LRRC4C: variants seen among roughly 807,000 people sequenced by gnomAD.
The protein encoded by LRRC4C is leucine rich repeat containing 4C.
In LRRC4C, 5 loss-of-function variants were observed where a neutral mutation model predicts 33.6. The observed-to-expected ratio is 0.15, with a 90% CI of 0.08 to 0.31. LRRC4C has a LOEUF of 0.31. LRRC4C is among the 10% of genes least tolerant of loss of function. The pLI is 1.00. For synonymous variants in LRRC4C, 329 were observed against 302.0 expected (o/e 1.09, Z -0.93); for missense variants, 560 against 796.7 (o/e 0.70, Z 3.58).
intron 4 of LRRC4C, among the ~76,000 whole-genome samples, chr11:40,297,564 G>A (rs1171519814): frequency 4.0e-5 from 6 of 151,656 alleles, no homozygotes; most frequent in Non-Finnish European, 5.9e-5. Context: ...AGGTCCTAAA[G>A]TCCTAAATAC....
At chr11:40,780,218 C>T (rs956076158) in intron 2 of LRRC4C, among the ~76,000 whole-genome samples, 2 of 151,878 alleles carry the variant, frequency 1.3e-5, no homozygotes, top group Non-Finnish European at 2.9e-5. Flanking sequence ...CTTTTTAATG[C>T]CCTGGTAAAT....
intron 1 of LRRC4C, among the ~76,000 whole-genome samples, chr11:41,424,175 A>G (rs1954962695): frequency 6.6e-6 from 1 of 152,086 alleles, no homozygotes; most frequent in African/African-American, 2.4e-5. Flanking sequence ...GATGAAGCAT[A>G]TAAACATGTA....
chr11:41,173,081 A>G (rs1297242752), intron 1 of LRRC4C, among the ~76,000 whole-genome samples: 1 of 152,130 alleles, frequency 6.6e-6, no homozygotes, highest in East Asian at 1.9e-4. Flanking sequence ...GGTTCCTACA[A>G]CTTCTGCAGG....
chr11:40,220,877 GT>G (rs5791363), intron 5 of LRRC4C, among the ~76,000 whole-genome samples: 104,045 of 141,554 alleles, frequency 0.74, 41,400 homozygotes, highest in East Asian at 0.94. Flanking sequence ...TGTGTTTTTG[GT>G]TTTTTTTTTT....
intron 1 of LRRC4C, among the ~76,000 whole-genome samples, chr11:41,008,936 T>A (rs1398203901): frequency 6.6e-6 from 1 of 152,140 alleles, no homozygotes; most frequent in African/African-American, 2.4e-5. Flanking sequence ...TTTTTAATGA[T>A]ATAAATTATG....
At chr11:41,443,089 A>ATTTTTTTTTTTTTTTTTTTTTTCTTTTCT in intron 1 of LRRC4C, among the ~76,000 whole-genome samples, 1 of 105,994 alleles carries the variant, frequency 9.4e-6, no homozygotes, top group Non-Finnish European at 1.8e-5. Flanking sequence ...TGTTTGCTTC[A>ATTTTTTTTTTTTTTTTTTTTTTCTTTTCT]TTTTTTTTTT....
intron 4 of LRRC4C, among the ~76,000 whole-genome samples, chr11:40,273,711 A>C (rs986167018): frequency 2.6e-5 from 4 of 152,292 alleles, no homozygotes; most frequent in Admixed American, 2.6e-4. Flanking sequence ...AAAAAATTGT[A>C]AACACAGTTC....
At chr11:40,525,242 C>T (rs1158059891) in intron 3 of LRRC4C, among the ~76,000 whole-genome samples, 2 of 151,992 alleles carry the variant, frequency 1.3e-5, no homozygotes, top group Non-Finnish European at 1.5e-5. Context: ...GTCAGGAGAT[C>T]GAGACCATCC....
At chr11:40,301,444 T>G (rs979049093) in intron 4 of LRRC4C, among the ~76,000 whole-genome samples, 5 of 152,172 alleles carry the variant, frequency 3.3e-5, no homozygotes, top group Non-Finnish European at 1.5e-5. Flanking sequence ...CACCAGGAAT[T>G]AGGAGATGGT....
At chr11:40,418,535 T>C (rs1312938714) in intron 3 of LRRC4C, among the ~76,000 whole-genome samples, 1 of 152,178 alleles carries the variant, frequency 6.6e-6, no homozygotes, top group Non-Finnish European at 1.5e-5. Context: ...GTTCAACCAT[T>C]GTGGAGGACA....
chr11:40,616,071 C>CA (rs1211704921), intron 3 of LRRC4C, among the ~76,000 whole-genome samples: 1 of 151,830 alleles, frequency 6.6e-6, no homozygotes, highest in Non-Finnish European at 1.5e-5. Context: ...AAGAAAAAAA[C>CA]AAACAACCCC....
At chr11:40,278,905 A>G (rs1296153861) in intron 4 of LRRC4C, among the ~76,000 whole-genome samples, 1 of 152,168 alleles carries the variant, frequency 6.6e-6, no homozygotes, top group Non-Finnish European at 1.5e-5. Context: ...ATGATAGTTT[A>G]TGAGTAGAAA....
intron 2 of LRRC4C, among the ~76,000 whole-genome samples, chr11:40,736,745 G>A (rs1001932840): frequency 2.0e-5 from 3 of 151,970 alleles, no homozygotes; most frequent in Non-Finnish European, 2.9e-5. Context: ...GTTTTGATTT[G>A]CATTTCTTGA....
intron 1 of LRRC4C, among the ~76,000 whole-genome samples, chr11:40,977,502 G>A (rs1218127396): frequency 8.6e-5 from 13 of 151,990 alleles, no homozygotes; most frequent in Admixed American, 8.5e-4. Flanking sequence ...GTGACTATAA[G>A]TCTCTGTGAC....
At chr11:40,258,554 T>C (rs553444285) in intron 4 of LRRC4C, among the ~76,000 whole-genome samples, 2 of 152,174 alleles carry the variant, frequency 1.3e-5, no homozygotes, top group African/African-American at 2.4e-5. Flanking sequence ...ATGCTCCTTA[T>C]AGAGAAAATG....
intron 5 of LRRC4C, among the ~76,000 whole-genome samples, chr11:40,237,463 C>T (rs1865644143): frequency 6.6e-6 from 1 of 152,164 alleles, no homozygotes; most frequent in South Asian, 2.1e-4. Flanking sequence ...TCTATTTGTC[C>T]ACTGATAAAG....
chr11:41,032,316 C>A (rs913748642), intron 1 of LRRC4C, among the ~76,000 whole-genome samples: 5 of 151,994 alleles, frequency 3.3e-5, no homozygotes, highest in African/African-American at 1.2e-4. Flanking sequence ...GAAGCAATAA[C>A]TTAGATGTTT....
chr11:41,232,651 A>C (rs1947851517), intron 1 of LRRC4C, among the ~76,000 whole-genome samples: 1 of 152,006 alleles, frequency 6.6e-6, no homozygotes, highest in Non-Finnish European at 1.5e-5. Flanking sequence ...CTAGCCATTA[A>C]ATAATTGAAA....
chr11:40,698,355 C>T (rs374659347), intron 2 of LRRC4C, among the ~76,000 whole-genome samples: 26 of 152,048 alleles, frequency 1.7e-4, no homozygotes, highest in South Asian at 4.1e-4. Flanking sequence ...TTTCTTCATA[C>T]GCTTATTACT....
Sources: allele counts gnomAD v4.1 joint callset (sites outside exome capture counted in the v4.1 genomes callset), GRCh38; gene constraint gnomAD v4.1.1; transcripts MANE v1.5; gene names NCBI Gene and HGNC (gene_info 2026-07-23, HGNC 2026-07-21).